The following GORAB variants were observed in gnomAD, a reference collection of about 807,000 sequenced individuals.
GORAB encodes RAB6-interacting golgin.
A neutral mutation model predicts 29.9 loss-of-function variants in GORAB; 17 were observed. The ratio of observed to expected loss-of-function variants is 0.57; its 90% CI spans 0.39 to 0.85. The LOEUF is 0.85. GORAB is among the 40% of genes least tolerant of loss of function. The pLI is 0.00. For missense variants in GORAB, 442 were observed against 437.8 expected (o/e 1.01, Z -0.09); for synonymous variants, 183 against 157.2 (o/e 1.16, Z -1.23).
chr1:170,552,268 C>A lies in GORAB; in HGVS notation c.916C>A (p.Arg306Ser), dbSNP rs757240482. Residue 306 changes from arginine (R) to serine (S), a missense_variant, in exon 5 of 5, where the codon CGT (arginine) becomes AGT (serine). Physicochemically the swap from Arg to Ser is moderately radical, Grantham distance 110 (BLOSUM62 -1). Coordinates refer to ENST00000367763, the MANE Select transcript of GORAB (RefSeq NM_152281.3). ...QEVESRRPVV[R>S]LERPFQPAEE... ...AGTAGAATCAAGGAGACCAGTGGTT[C>A]GTTTAGAGAGGCCATTTCAGCCTGC... 1.2e-6 allele frequency: 2 copies of A among 1,613,946 alleles called. No individual in the cohort carries two copies. Among genetic ancestry groups the A allele is most frequent in the African/African-American group, 1.3e-5 (1 of 74,922 alleles).
At chr1:170,539,145 C>A in intron 1 of GORAB, 65 bp from the exon 2 acceptor site, 2 of 1,580,202 alleles carry the variant, frequency 1.3e-6, no homozygotes, top group Non-Finnish European at 1.7e-6. Context: ...TTTTTATTTT[C>A]TTAGAGGAAT....
At position 170,552,070 on chromosome 1, in the gene GORAB, C is replaced by A. The variant is rs139455579; in HGVS notation, c.718C>A (p.Arg240Ser). 2 of 1,613,902 alleles carry A rather than the reference C, an allele frequency of 1.2e-6. No individual in the cohort carries two copies. Among genetic ancestry groups the A allele is most frequent in the Non-Finnish European group, 1.7e-6 (2 of 1,179,924 alleles). Residue 240 changes from arginine to serine, a missense_variant, in exon 5 of 5, where the codon CGC becomes AGC. By Grantham distance (110) the Arg-to-Ser change is moderately radical (BLOSUM62 -1). Coordinates refer to ENST00000367763, the MANE Select transcript of GORAB (RefSeq NM_152281.3). ...CATTGCAGCAAAGCTAGATATACAG[C>A]GCAAGACTGAGATAAAAGAGCAACT... ...EYIAAKLDIQRKTEIKEQLTE... is the reference protein window; with the variant it reads ...EYIAAKLDIQSKTEIKEQLTE...
At chr1:170,536,538 A>G (rs1649073639) in intron 1 of GORAB, 1 of 152,218 alleles carries the variant, frequency 6.6e-6, no homozygotes, top group Non-Finnish European at 1.5e-5. Flanking sequence ...CACTTTGGAA[A>G]GCATTTTCAC....
rs1649277036 is a variant in GORAB at position 170,539,508 on chromosome 1, C to T, written c.360C>T (p.Asn120=). The T allele has an allele frequency of 1.9e-6, 3 of 1,613,854 alleles. No individual in the cohort carries two copies. In the African/African-American group the frequency reaches 4.0e-5, roughly 22 times the overall value. ...TTGAGAATTCCCATGATGGTCACAA[C>T]AATGTTGAGATTCTACCTCCAAAGC... is the stretch of plus-strand genomic sequence containing the variant. ...LGLENSHDGH[N]NVEILPPKPD... The change falls in exon 2 of 5, where the codon AAC becomes AAT. Residue 120 remains asparagine, a synonymous_variant. Transcript: ENST00000367763.
In GORAB at chr1:170,532,170, G is replaced by T; in HGVS notation, c.-54G>T. The T allele has an allele frequency of 6.2e-7, 1 of 1,613,394 alleles. No individual in the cohort carries two copies. On this transcript the variant is annotated 5_prime_UTR_variant, in exon 1 of 5. Coordinates refer to ENST00000367763, the MANE Select transcript of GORAB (RefSeq NM_152281.3). ...CCGGATGAGCTGGGCAGCAGTGTTG[G>T]CAGTCGCGGCTGCGAGATTTGGGCA...
At chr1:170,542,718 A>G (rs1169256731) in intron 3 of GORAB, 126 bp downstream of exon 3, 3 of 750,784 alleles carry the variant, frequency 4.0e-6, no homozygotes, top group South Asian at 1.5e-5. Context: ...TTTTAAGACT[A>G]ACTAAACAAA....
In GORAB at chr1:170,539,330, T is replaced by C; in HGVS notation, c.182T>C (p.Leu61Pro). The C allele has an allele frequency of 6.2e-7, 1 of 1,614,190 alleles. No homozygotes were observed. The highest frequency in any genetic ancestry group is 8.5e-7 in the Non-Finnish European group (1 of 1,180,018). ...CTTCAAGATGGATCAACCTCATTAC[T>C]TCCAGAGCAGCTGCTTTCAGCACCA... ...LGLQDGSTSL[L>P]PEQLLSAPKQ... Residue 61 changes from leucine (L) to proline (P), a missense_variant, in exon 2 of 5, where the codon CTT becomes CCT. Coordinates refer to ENST00000367763, the MANE Select transcript of GORAB (RefSeq NM_152281.3).
At chr1:170,540,775 C>G (rs1275528191) in intron 2 of GORAB, among the ~76,000 whole-genome samples, 5 of 152,118 alleles carry the variant, frequency 3.3e-5, no homozygotes, top group African/African-American at 9.7e-5. Flanking sequence ...TCAAACCATT[C>G]ACGTAAAGGA....
chr1:170,539,701 T>C, intron 2 of GORAB, 134 bp downstream of exon 2: 2 of 940,040 alleles, frequency 2.1e-6, no homozygotes, highest in East Asian at 2.6e-5. Context: ...AGGAATGTGA[T>C]GTATAAACTA....
Position 170,552,775 on chromosome 1 carries a change from T to C in GORAB, c.*313T>C, listed in dbSNP as rs771960520. On this transcript the variant is annotated 3_prime_UTR_variant, in exon 5 of 5. Coordinates refer to ENST00000367763, the MANE Select transcript of GORAB (RefSeq NM_152281.3). ...GGAGTGTTTTTAGATCAGATAAATA[T>C]AGAAAAGTAAAATGGAAAATGATAC... is the stretch of plus-strand genomic sequence containing the variant. The C allele has an allele frequency of 1.5e-5, 7 of 469,208 alleles. No individual in the cohort carries two copies. The highest frequency in any genetic ancestry group is 3.1e-5 in the South Asian group (2 of 64,602). 29.1% of individuals were successfully genotyped at this position (469,208 alleles called of 1,614,324 possible). A position where few individuals can be genotyped will look rare whatever the true frequency, so the allele number is the denominator to read the frequency against.
chr1:170,551,426 C>T (rs1650094016), intron 4 of GORAB, among the ~76,000 whole-genome samples: 1 of 152,266 alleles, frequency 6.6e-6, no homozygotes, highest in East Asian at 1.9e-4. Flanking sequence ...TATTCATCTC[C>T]CGACCACTGT....
In GORAB at chr1:170,552,713, A is replaced by C. The variant is rs1227391562; in HGVS notation, c.*251A>C. The C allele has an allele frequency of 1.9e-6, 1 of 537,898 alleles. No individual in the cohort carries two copies. The highest frequency in any genetic ancestry group is 2.2e-5 in the Admixed American group (1 of 45,142). 33.3% of individuals were successfully genotyped at this position (537,898 alleles called of 1,614,324 possible). A position where few individuals can be genotyped will look rare whatever the true frequency, so the allele number is the denominator to read the frequency against. On this transcript the variant is annotated 3_prime_UTR_variant, in exon 5 of 5. Coordinates refer to ENST00000367763, the MANE Select transcript of GORAB (RefSeq NM_152281.3). ...TCCGTTTACCCTTTTTACTGAAAGT[A>C]AGTGACTTAAAAGGATGGAAGAAAA...
chr1:170,533,494 C>A, intron 1 of GORAB: 1 of 445,948 alleles, frequency 2.2e-6, no homozygotes, highest in Non-Finnish European at 4.6e-6. Flanking sequence ...TGGTCTGACT[C>A]CAGTAGACTC....
chr1:170,532,940 T>G (rs1558000169), intron 1 of GORAB, among the ~76,000 whole-genome samples: 2 of 152,242 alleles, frequency 1.3e-5, no homozygotes, highest in Non-Finnish European at 2.9e-5. Context: ...TCTCTCTGGC[T>G]TTATAGAGTA....
At chr1:170,551,525 T>G (rs1437451279) in intron 4 of GORAB, among the ~76,000 whole-genome samples, 2 of 152,194 alleles carry the variant, frequency 1.3e-5, no homozygotes, top group African/African-American at 2.4e-5. Context: ...TTGTCTGTCT[T>G]CTCATAAATT....
At position 170,553,797 on chromosome 1, in the gene GORAB, C is replaced by T. The variant is rs190095298; in HGVS notation, c.*1335C>T. The T allele has an allele frequency of 2.8e-4, 129 of 453,412 alleles. No individual in the cohort carries two copies. The highest frequency in any genetic ancestry group is 2.4e-3 in the African/African-American group (122 of 50,088). 28.1% of individuals were successfully genotyped at this position (453,412 alleles called of 1,614,324 possible). ...AAAAGCCAACAGTTTCATTGTCTAA[C>T]ACACTTCTTTTTCTAAGGAATAAAC... On this transcript the variant is annotated 3_prime_UTR_variant, in exon 5 of 5. Coordinates refer to ENST00000367763, the MANE Select transcript of GORAB (RefSeq NM_152281.3).
At position 170,552,395 on chromosome 1, in the gene GORAB, TC is replaced by T; in HGVS notation, c.1047del (p.Ser352ValfsTer25). ...VDDQCGNSSSIPFLSPNCPNQ... is the reference protein window; with the variant it reads ...VDDQCGNSSSXPFLSPNCPNQ... ...GACCAGTGTGGAAATTCCAGTAGCA[TC>T]CCCTTTCTTAGTCCAAACTGCCCAA... On this transcript the variant is annotated frameshift_variant, in exon 5 of 5. Transcript: ENST00000367763. LOFTEE classifies it low-confidence loss of function (END_TRUNC). The T allele has an allele frequency of 6.2e-7, 1 of 1,614,066 alleles. No individual in the cohort carries two copies. The highest frequency in any genetic ancestry group is 8.5e-7 in the Non-Finnish European group (1 of 1,179,944).
intron 1 of GORAB, among the ~76,000 whole-genome samples, chr1:170,535,657 C>T (rs1262196955): frequency 1.3e-5 from 2 of 152,192 alleles, no homozygotes; most frequent in Admixed American, 1.3e-4. Context: ...CCTCCTGCCT[C>T]AGACTTCCAA....
chr1:170,546,850 A>G (rs1298007578), intron 4 of GORAB, among the ~76,000 whole-genome samples: 1 of 151,820 alleles, frequency 6.6e-6, no homozygotes, highest in African/African-American at 2.4e-5. Flanking sequence ...CACCTGGCTA[A>G]TTTTTTGTAT....
Sources: gnomAD v4.1 joint callset for allele counts (sites outside exome capture counted in the v4.1 genomes callset) on GRCh38, gnomAD v4.1.1 for gene constraint, MANE v1.5 for transcripts, NCBI Gene and HGNC (gene_info 2026-07-23, HGNC 2026-07-21) for gene names.